The following LRRFIP1 variants were observed in gnomAD, a reference collection of about 807,000 sequenced individuals.
The protein encoded by LRRFIP1 is LRR binding FLII interacting protein 1.
Under a neutral mutation model 104.4 loss-of-function variants are expected in LRRFIP1, and 62 were observed. That is an observed-to-expected ratio of 0.59 (90% confidence interval 0.48 to 0.73). LRRFIP1 has a LOEUF of 0.73. Ranked by LOEUF, LRRFIP1 falls within the 30% of genes least tolerant of loss-of-function variation. The pLI, the probability that LRRFIP1 is intolerant of heterozygous loss-of-function variation, is 0.00. For synonymous variants in LRRFIP1, 300 were observed against 299.0 expected, an observed-to-expected ratio of 1.00 and a Z score of -0.03; for missense variants, 796 against 824.5, an observed-to-expected ratio of 0.97 and a Z score of 0.42.
intron 4 of LRRFIP1, among the ~76,000 whole-genome samples, chr2:237,718,987 GTTTTA>G (rs761767896): frequency 1.3e-5 from 2 of 152,106 alleles, no homozygotes; most frequent in Non-Finnish European, 2.9e-5. Flanking sequence ...TTGTATCATT[GTTTTA>G]TATACCACTG....
chr2:237,749,141 A>T, intron 12 of LRRFIP1, 58 bp from the exon 13 acceptor site: 1 of 1,563,412 alleles, frequency 6.4e-7, no homozygotes, highest in Non-Finnish European at 8.7e-7. Flanking sequence ...TCCAGATGAG[A>T]TTTGGGTGGG....
chr2:237,769,965 T>C lies in LRRFIP1; in HGVS notation c.1482T>C (p.Val494=). The change falls in exon 20 of 24, where the codon GTT becomes GTC. Residue 494 remains valine, a synonymous_variant. Coordinates refer to ENST00000308482, the MANE Select transcript of LRRFIP1 (RefSeq NM_001137550.2). ...GTLDIRLKKL[V]DERECLLEQI... Reference sequence around the variant, plus strand: ...TAGATATTAGGTTGAAAAAGCTGGTTGATGAACGGGAATGCTTATTGGAAC... The same window carrying C: ...TAGATATTAGGTTGAAAAAGCTGGTCGATGAACGGGAATGCTTATTGGAAC... 6.2e-7 allele frequency: 1 copy of C among 1,605,452 alleles called. No homozygotes were observed. The highest frequency in any genetic ancestry group is 2.2e-5 in the East Asian group (1 of 44,738).
chr2:237,726,474 A>G (rs144843886), intron 7 of LRRFIP1, among the ~76,000 whole-genome samples: 1 of 152,304 alleles, frequency 6.6e-6, no homozygotes, highest in African/African-American at 2.4e-5. Context: ...GGATTCATGT[A>G]TCCACCCAGT....
chr2:237,699,715 T>C (rs1299744799), intron 1 of LRRFIP1, among the ~76,000 whole-genome samples: 1 of 152,242 alleles, frequency 6.6e-6, no homozygotes, highest in Non-Finnish European at 1.5e-5. Context: ...CGCAGGCGTG[T>C]CTGAATGCGG....
intron 7 of LRRFIP1, among the ~76,000 whole-genome samples, chr2:237,724,515 G>A (rs953534153): frequency 5.3e-5 from 8 of 152,152 alleles, no homozygotes; most frequent in Non-Finnish European, 1.0e-4. Flanking sequence ...TGAGTAGCTC[G>A]GGAGTCAGGA....
At chr2:237,662,169 A>G (rs13035581) in intron 1 of LRRFIP1, among the ~76,000 whole-genome samples, 15,310 of 152,096 alleles carry the variant, frequency 0.1, 1,063 homozygotes, top group Non-Finnish European at 0.16. Context: ...GCTTGTAGAC[A>G]CATCACACCA....
intron 16 of LRRFIP1, among the ~76,000 whole-genome samples, chr2:237,756,941 A>G (rs1196064307): frequency 1.3e-5 from 2 of 152,196 alleles, no homozygotes; most frequent in African/African-American, 4.8e-5. Flanking sequence ...AGAAGATGTG[A>G]CACAGGAAGC....
At chr2:237,718,213 G>A (rs530946613) in intron 4 of LRRFIP1, among the ~76,000 whole-genome samples, 1 of 152,366 alleles carries the variant, frequency 6.6e-6, no homozygotes, top group East Asian at 1.9e-4. Flanking sequence ...TCACCAGGCT[G>A]TGGTTGGAAC....
At chr2:237,662,007 A>C (rs1196043420) in intron 1 of LRRFIP1, among the ~76,000 whole-genome samples, 5 of 152,228 alleles carry the variant, frequency 3.3e-5, no homozygotes, top group Non-Finnish European at 4.4e-5. Flanking sequence ...GGGTGACTTA[A>C]AATAACAGAA....
chr2:237,688,172 G>A (rs932185118), intron 1 of LRRFIP1, among the ~76,000 whole-genome samples: 2 of 151,740 alleles, frequency 1.3e-5, no homozygotes, highest in African/African-American at 4.9e-5. Context: ...TTTTAAGGAT[G>A]CCCTCTGAGG....
intron 19 of LRRFIP1, chr2:237,765,199 A>G (rs1330998242): frequency 2.5e-5 from 4 of 162,568 alleles, no homozygotes; most frequent in African/African-American, 7.3e-5. Flanking sequence ...CGAGGCAGAG[A>G]TTGCAGTGAG....
At position 237,729,677 on chromosome 2, in the gene LRRFIP1, C is replaced by G. The variant is rs541222103; in HGVS notation, c.444+1742C>G. 666 of 338,808 alleles carry G rather than the reference C, an allele frequency of 2.0e-3. 3 individuals carry two copies. Among genetic ancestry groups the G allele is most frequent in the Non-Finnish European group, 2.6e-3 (634 of 239,900 alleles). The allele number at this position is 338,808 out of a possible 1,614,324, so 21.0% of individuals were successfully genotyped here. On this transcript the variant is annotated intron_variant, in intron 8 of 23. Coordinates refer to ENST00000308482, the MANE Select transcript of LRRFIP1 (RefSeq NM_001137550.2). ...CGTTCCTGGGCTCCTAGTGTTGGCTCGGTTGTGCTGTTCCATGTTCGCCTT... is the reference window on the plus strand; with the variant it reads ...CGTTCCTGGGCTCCTAGTGTTGGCTGGGTTGTGCTGTTCCATGTTCGCCTT...
intron 2 of LRRFIP1, among the ~76,000 whole-genome samples, chr2:237,713,436 GA>G (rs1375886965): frequency 6.6e-6 from 1 of 152,206 alleles, no homozygotes; most frequent in East Asian, 1.9e-4. Context: ...ACTGATAGAA[GA>G]AAATGGTGAT....
chr2:237,677,399 T>C (rs1389243206), intron 1 of LRRFIP1, among the ~76,000 whole-genome samples: 3 of 152,274 alleles, frequency 2.0e-5, no homozygotes, highest in Admixed American at 2.0e-4. Context: ...TAAATTCCAC[T>C]ATGTATCTAT....
intron 1 of LRRFIP1, among the ~76,000 whole-genome samples, chr2:237,678,163 G>T (rs891475332): frequency 6.6e-6 from 1 of 152,094 alleles, no homozygotes; most frequent in African/African-American, 2.4e-5. Flanking sequence ...CAGCTGTCTA[G>T]ATCATAACTT....
In LRRFIP1 at chr2:237,774,628, C is replaced by T. The variant is rs546433786; in HGVS notation, c.1812+166C>T. ...GGTGTCTTAATAAAGGAAGGCATGG[C>T]GCAGCCAGTTAGGGCTTAGGGCTAG... On this transcript the variant is annotated intron_variant, in intron 23 of 23. Coordinates refer to ENST00000308482, the MANE Select transcript of LRRFIP1 (RefSeq NM_001137550.2). Among the ~76,000 whole-genome samples the T allele has an allele frequency of 1.1e-4, 16 of 152,354 alleles. No individual in the cohort carries two copies. The South Asian group carries it at 1.2e-3, about 12-fold the overall frequency.
intron 1 of LRRFIP1, among the ~76,000 whole-genome samples, chr2:237,700,669 T>A (rs1226426638): frequency 6.6e-6 from 1 of 152,202 alleles, no homozygotes; most frequent in Admixed American, 6.5e-5. Flanking sequence ...AGAGCTGCTG[T>A]TCATGGTCCA....
chr2:237,692,936 C>T (rs1246969776), intron 1 of LRRFIP1, among the ~76,000 whole-genome samples: 1 of 152,212 alleles, frequency 6.6e-6, no homozygotes, highest in African/African-American at 2.4e-5. Flanking sequence ...CACCGGGGAG[C>T]GGCTGGGGTG....
chr2:237,767,075 C>G (rs575751186), intron 19 of LRRFIP1, among the ~76,000 whole-genome samples: 1 of 152,230 alleles, frequency 6.6e-6, no homozygotes, highest in East Asian at 1.9e-4. Context: ...GTCCCAGCTA[C>G]TTAGGAGGCA....
Sources: gnomAD v4.1 joint callset for allele counts (sites outside exome capture counted in the v4.1 genomes callset) on GRCh38, gnomAD v4.1.1 for gene constraint, MANE v1.5 for transcripts, NCBI Gene and HGNC (gene_info 2026-07-23, HGNC 2026-07-21) for gene names.